CARD19: variants seen among roughly 807,000 people sequenced by gnomAD.
The protein encoded by CARD19 is caspase recruitment domain-containing protein 19.
A neutral mutation model predicts 24.1 loss-of-function variants in CARD19; 25 were observed. The ratio of observed to expected loss-of-function variants is 1.04; its 90% CI spans 0.76 to 1.45. The LOEUF is 1.45. Among genes scored for constraint, CARD19 ranks in the 40% most tolerant of loss-of-function variants. The pLI is 0.00. For synonymous variants in CARD19, 103 were observed against 104.9 expected, an observed-to-expected ratio of 0.98 and a Z score of 0.11; for missense variants, 241 against 247.4, an observed-to-expected ratio of 0.97 and a Z score of 0.17.
At chr9:93,098,570 AAAAAC>A (rs1826965442) in intron 1 of CARD19, among the ~76,000 whole-genome samples, 1 of 152,258 alleles carries the variant, frequency 6.6e-6, no homozygotes, top group Non-Finnish European at 1.5e-5. Flanking sequence ...TTTGTCCTGT[AAAAAC>A]AGTTCAGGGA....
At position 93,096,485 on chromosome 9, in the gene CARD19, C is replaced by A; in HGVS notation, c.7+133C>A. On this transcript the variant is annotated intron_variant, in intron 1 of 5. Coordinates refer to ENST00000375464, the MANE Select transcript of CARD19 (RefSeq NM_032310.5). This position sits in a 1 kb window ranked among gnomAD's most constrained non-coding sequence, Gnocchi z 5.4. ...CGGGGGCCGAGTGACCTTGGCCCGT[C>A]AGCTGTCGGTGGTGCGCGAGTGCAC... 2.3e-6 allele frequency: 2 copies of A among 868,620 alleles called. No homozygotes were observed. The highest frequency in any genetic ancestry group is 3.0e-6 in the Non-Finnish European group (2 of 661,358). The allele number at this position is 868,620 out of a possible 1,614,324, so 53.8% of individuals were successfully genotyped here. A position where few individuals can be genotyped will look rare whatever the true frequency, so the allele number is the denominator to read the frequency against.
chr9:93,112,280 T>C lies in CARD19; in HGVS notation c.427T>C (p.Tyr143His). 2 of 1,544,078 alleles carry C rather than the reference T, an allele frequency of 1.3e-6. No individual in the cohort carries two copies. The highest frequency in any genetic ancestry group is 1.7e-6 in the Non-Finnish European group (2 of 1,146,978). ...AVGLALLLYC[Y>H]PPDPKGLPGT... is the part of the protein sequence containing the mutation. ...GGGACTGGCCCTGCTCCTGTACTGC[T>C]ATCCGCCAGGTGGGTGCAAGCGGAT... The change falls in exon 5 of 6, where the codon TAT becomes CAT. Residue 143 changes from tyrosine (Y) to histidine (H), a missense_variant. Tyr to His is a moderately conservative substitution (Grantham distance 83). Transcript: ENST00000375464.
At chr9:93,105,161 GGTGT>G (rs150097957) in intron 1 of CARD19, among the ~76,000 whole-genome samples, 62 of 146,358 alleles carry the variant, frequency 4.2e-4, no homozygotes, top group East Asian at 1.2e-3. Context: ...CGCGGTGTAA[GGTGT>G]GTGTGTGTGT....
rs767975366 is a variant in CARD19, at chr9:93,107,725, A to G, written c.59A>G (p.His20Arg). 28 of 1,614,118 alleles carry G rather than the reference A, an allele frequency of 1.7e-5. No individual in the cohort carries two copies. The South Asian group carries it at 3.0e-4, about 17-fold the overall frequency. ...LVQDTPFLTGHGRLSEQQVDR... is the reference protein window; with the variant it reads ...LVQDTPFLTGRGRLSEQQVDR... ...CAGGACACGCCTTTCCTGACAGGCC[A>G]TGGGCGCTTGAGTGAGCAGCAGGTG... Residue 20 changes from histidine (H) to arginine (R), a missense_variant, in exon 2 of 6, where the codon CAT becomes CGT. By Grantham distance (29) the His-to-Arg change is conservative. Coordinates refer to ENST00000375464, the MANE Select transcript of CARD19 (RefSeq NM_032310.5).
intron 1 of CARD19, among the ~76,000 whole-genome samples, chr9:93,101,958 A>T (rs1268678072): frequency 2.8e-4 from 39 of 138,800 alleles, no homozygotes; most frequent in Middle Eastern, 3.7e-3. Context: ...AATGATGAGC[A>T]TTTTTTTTTT....
intron 1 of CARD19, among the ~76,000 whole-genome samples, chr9:93,107,460 A>G (rs1033221606): frequency 7.2e-5 from 11 of 152,242 alleles, no homozygotes; most frequent in African/African-American, 2.4e-4. Context: ...CCTCACTTCC[A>G]TCTTCTGGAG....
chr9:93,097,605 A>G (rs923989063), intron 1 of CARD19, among the ~76,000 whole-genome samples: 15 of 152,174 alleles, frequency 9.9e-5, no homozygotes, highest in Non-Finnish European at 1.8e-4. Flanking sequence ...GTTCATCAGA[A>G]TGCGTGGGAC....
Position 93,113,074 on chromosome 9 carries a change from G to A in CARD19, c.519G>A (p.Leu173=). The part of the protein sequence containing the change: ...IIDRHVSRYL[L]AFLADDLGGL ...ACAGACATGTCAGCCGCTACCTGCTGGCCTTCCTGGCAGATGACCTAGGGG... is the reference window on the plus strand; with the variant it reads ...ACAGACATGTCAGCCGCTACCTGCTAGCCTTCCTGGCAGATGACCTAGGGG... Residue 173 remains leucine (L), a synonymous_variant, in exon 6 of 6, where the codon CTG becomes CTA. Transcript: ENST00000375464. The A allele has an allele frequency of 6.3e-7, 1 of 1,592,786 alleles. No individual in the cohort carries two copies. Among genetic ancestry groups the A allele is most frequent in the East Asian group, 2.3e-5 (1 of 44,356 alleles).
chr9:93,113,261 T>G lies in CARD19; in HGVS notation c.*154T>G. ...CCTTCACCTTACAAGGTGCTGACCA[T>G]ATTAAATGTTCAGGTTCTCTCAGCC... On this transcript the variant is annotated 3_prime_UTR_variant, in exon 6 of 6. Coordinates refer to ENST00000375464, the MANE Select transcript of CARD19 (RefSeq NM_032310.5). 1 of 537,876 alleles carries G rather than the reference T, an allele frequency of 1.9e-6. No homozygotes were observed. 33.3% of individuals were successfully genotyped at this position (537,876 alleles called of 1,614,324 possible).
intron 1 of CARD19, among the ~76,000 whole-genome samples, chr9:93,104,496 A>G (rs1827184688): frequency 6.6e-6 from 1 of 152,090 alleles, no homozygotes; most frequent in Admixed American, 6.6e-5. Context: ...GATTGGTATT[A>G]GTTCTTCTTT....
chr9:93,099,054 C>T (rs1470146837), intron 1 of CARD19, among the ~76,000 whole-genome samples: 1 of 152,120 alleles, frequency 6.6e-6, no homozygotes, highest in African/African-American at 2.4e-5. Flanking sequence ...TTCTGAGTAG[C>T]TGGGAATACA....
intron 2 of CARD19, 122 bp from the exon 3 acceptor site, chr9:93,110,446 C>CCAG: frequency 6.8e-7 from 1 of 1,476,420 alleles, no homozygotes; most frequent in Non-Finnish European, 9.0e-7. Flanking sequence ...GAGCTGCCAT[C>CCAG]CAGCAGGTGT....
intron 2 of CARD19, among the ~76,000 whole-genome samples, chr9:93,108,642 G>A (rs538233358): frequency 4.1e-4 from 62 of 152,206 alleles, no homozygotes; most frequent in Non-Finnish European, 8.4e-4. Context: ...GAGGTGGTCC[G>A]AAGGCTCAAG....
In CARD19 at chr9:93,096,297, G is replaced by A. The variant is rs1470896973; in HGVS notation, c.-49G>A. 7.4e-6 allele frequency: 9 copies of A among 1,211,902 alleles called. No individual in the cohort carries two copies. Among genetic ancestry groups the A allele is most frequent in the Non-Finnish European group, 8.2e-6 (8 of 973,518 alleles). The allele number at this position is 1,211,902 out of a possible 1,614,324, so 75.1% of individuals were successfully genotyped here. ...GGGCGGCTGACCGAGGGGCGGACGC[G>A]CGGCGGGGCAGACCGCTGGGGACTG... On this transcript the variant is annotated 5_prime_UTR_variant, in exon 1 of 6. Transcript: ENST00000375464. This position sits in a 1 kb window ranked among gnomAD's most constrained non-coding sequence, Gnocchi z 5.4.
intron 5 of CARD19, 120 bp downstream of exon 5, chr9:93,112,409 G>A (rs1827534136): frequency 2.5e-6 from 2 of 797,150 alleles, no homozygotes; most frequent in African/African-American, 1.7e-5. Flanking sequence ...GTCCACACTT[G>A]TGCAGTGGGA....
At chr9:93,105,760 G>A (rs1430937356) in intron 1 of CARD19, among the ~76,000 whole-genome samples, 1 of 152,140 alleles carries the variant, frequency 6.6e-6, no homozygotes, top group Non-Finnish European at 1.5e-5. Flanking sequence ...AATGTTTCAT[G>A]TGCACTTGAT....
At chr9:93,102,946 G>A (rs1827135802) in intron 1 of CARD19, among the ~76,000 whole-genome samples, 2 of 152,076 alleles carry the variant, frequency 1.3e-5, no homozygotes, top group African/African-American at 4.8e-5. Flanking sequence ...AGTATGTAGA[G>A]ATGAAATATT....
chr9:93,107,566 G>C (rs1827308971), intron 1 of CARD19, 108 bp from the exon 2 acceptor site: 1 of 1,327,900 alleles, frequency 7.5e-7, no homozygotes, highest in African/African-American at 1.5e-5. Context: ...CTCCTGGTGG[G>C]AACCCACCTT....
Position 93,111,906 on chromosome 9 carries a change from CG to C in CARD19, c.335del (p.Gly112AlafsTer7). On this transcript the variant is annotated frameshift_variant, in exon 4 of 6. Coordinates refer to ENST00000375464, the MANE Select transcript of CARD19 (RefSeq NM_032310.5). LOFTEE classifies it high-confidence loss of function. ...AACTCAGATTGCACAGAGCTAGACT[CG>C]GGCAGCCAGAGCGGCGAGCTGAGTA... ...LQNSDCTELD[S>X]GSQSGELSNR... 2 of 1,611,850 alleles carry C rather than the reference CG, an allele frequency of 1.2e-6. No homozygotes were observed. The highest frequency in any genetic ancestry group is 1.1e-5 in the South Asian group (1 of 90,932).
Sources: allele counts gnomAD v4.1 joint callset (sites outside exome capture counted in the v4.1 genomes callset), GRCh38; gene constraint gnomAD v4.1.1; non-coding constraint Gnocchi (gnomAD v3.1); transcripts MANE v1.5; gene names NCBI Gene and HGNC (gene_info 2026-07-23, HGNC 2026-07-21).